LRRTM4: variants seen among roughly 807,000 people sequenced by gnomAD.
LRRTM4 encodes leucine-rich repeat transmembrane neuronal protein 4.
Under a neutral mutation model 47.6 loss-of-function variants are expected in LRRTM4, and 25 were observed. That is an observed-to-expected ratio of 0.53 (90% CI 0.38 to 0.73). The LOEUF (loss-of-function observed/expected upper bound fraction) is 0.73. Ranked by LOEUF, LRRTM4 falls within the 30% of genes least tolerant of loss-of-function variation. The pLI is 0.00. For synonymous variants in LRRTM4, 311 were observed against 269.5 expected (o/e 1.15, Z -1.51); for missense variants, 638 against 713.4 (o/e 0.89, Z 1.20).
At position 77,019,272 on chromosome 2, in the gene LRRTM4, A is replaced by T. The variant is rs1459296487; in HGVS notation, c.1552-270356T>A. Among the ~76,000 whole-genome samples the T allele has an allele frequency of 2.6e-5, 4 of 151,366 alleles. No homozygotes were observed. In the East Asian group the frequency reaches 7.7e-4, roughly 29 times the overall value. The stretch of plus-strand genomic sequence containing the variant: ...GCTCTACAAAAAAAAAAAAAAAAAA[A>T]AAAATATAAGAAGAAGACAGAGTGT... On this transcript the variant is annotated intron_variant, in intron 3 of 3. Transcript: ENST00000409884.
chr2:76,756,637 T>G (rs1184797181), intron 3 of LRRTM4, among the ~76,000 whole-genome samples: 1 of 152,182 alleles, frequency 6.6e-6, no homozygotes, highest in African/African-American at 2.4e-5. Context: ...CAGTTTTTTC[T>G]TTCCCCAATG....
At chr2:77,377,368 C>A (rs181357904) in intron 3 of LRRTM4, among the ~76,000 whole-genome samples, 2 of 151,750 alleles carry the variant, frequency 1.3e-5, no homozygotes, top group African/African-American at 2.4e-5. Context: ...CTTAAAAATG[C>A]CAATATTAGT....
At chr2:77,198,423 A>T (rs1313676743) in intron 3 of LRRTM4, among the ~76,000 whole-genome samples, 1 of 152,190 alleles carries the variant, frequency 6.6e-6, no homozygotes, top group Non-Finnish European at 1.5e-5. Flanking sequence ...ATTGGCTCAG[A>T]AATCATAAAT....
chr2:76,829,150 C>T (rs1341876586), intron 3 of LRRTM4, among the ~76,000 whole-genome samples: 2 of 151,898 alleles, frequency 1.3e-5, no homozygotes, highest in African/African-American at 4.8e-5. Context: ...AGTCTGCTTC[C>T]ACTTGAGGCT....
chr2:77,212,495 CGAGA>C (rs532562011), intron 3 of LRRTM4, among the ~76,000 whole-genome samples: 39 of 136,044 alleles, frequency 2.9e-4, no homozygotes, highest in African/African-American at 1.0e-3. Flanking sequence ...AGAGAGAGAG[CGAGA>C]GAGTTAATCT....
At chr2:77,432,799 C>T (rs1489707571) in intron 3 of LRRTM4, among the ~76,000 whole-genome samples, 4 of 152,172 alleles carry the variant, frequency 2.6e-5, no homozygotes, top group African/African-American at 9.6e-5. Context: ...TAAGAAGAGT[C>T]AGAGTCCTGT....
At chr2:77,088,645 T>C (rs987590211) in intron 3 of LRRTM4, among the ~76,000 whole-genome samples, 41 of 152,298 alleles carry the variant, frequency 2.7e-4, no homozygotes, top group Non-Finnish European at 3.8e-4. Context: ...CAAAGCCTGT[T>C]TGGTGGTCTC....
At chr2:76,966,793 C>A (rs779555798) in intron 3 of LRRTM4, among the ~76,000 whole-genome samples, 1 of 151,456 alleles carries the variant, frequency 6.6e-6, no homozygotes, top group Non-Finnish European at 1.5e-5. Flanking sequence ...GTGGTTGACA[C>A]TGCCAATTAA....
At chr2:76,966,268 GA>G in intron 3 of LRRTM4, among the ~76,000 whole-genome samples, 1 of 151,112 alleles carries the variant, frequency 6.6e-6, no homozygotes, top group Non-Finnish European at 1.5e-5. Context: ...AGTATCAGGT[GA>G]AATAGGAGAA....
intron 3 of LRRTM4, among the ~76,000 whole-genome samples, chr2:77,465,697 A>G (rs1558756219): frequency 6.6e-6 from 1 of 152,212 alleles, no homozygotes; most frequent in South Asian, 2.1e-4. Flanking sequence ...TAATTATGTA[A>G]GTAAGAAACA....
intron 3 of LRRTM4, among the ~76,000 whole-genome samples, chr2:77,287,479 T>G (rs559023033): frequency 6.8e-6 from 1 of 146,556 alleles, no homozygotes; most frequent in Non-Finnish European, 1.5e-5. Context: ...CTTTTACCCA[T>G]GTTTTTTTCC....
intron 3 of LRRTM4, among the ~76,000 whole-genome samples, chr2:77,086,267 C>G (rs1040999012): frequency 2.0e-5 from 3 of 152,122 alleles, no homozygotes; most frequent in African/African-American, 7.2e-5. Flanking sequence ...CAAGGAGGAT[C>G]ACAACTGGTT....
chr2:76,987,163 G>A (rs1392837901), intron 3 of LRRTM4, among the ~76,000 whole-genome samples: 1 of 151,594 alleles, frequency 6.6e-6, no homozygotes, highest in Non-Finnish European at 1.5e-5. Context: ...GTCTTTTACA[G>A]TATTATTAAT....
chr2:77,078,610 A>G (rs993295850), intron 3 of LRRTM4, among the ~76,000 whole-genome samples: 1 of 152,180 alleles, frequency 6.6e-6, no homozygotes, highest in Admixed American at 6.5e-5. Context: ...AACAATTGCC[A>G]TTATGTTGGG....
intron 3 of LRRTM4, among the ~76,000 whole-genome samples, chr2:76,956,297 C>A (rs1675673302): frequency 6.6e-6 from 1 of 150,888 alleles, no homozygotes; most frequent in Admixed American, 6.6e-5. Context: ...AGAATAAAAA[C>A]TGAAAAAATA....
intron 3 of LRRTM4, among the ~76,000 whole-genome samples, chr2:76,858,403 C>G (rs1415012941): frequency 1.3e-5 from 2 of 152,210 alleles, no homozygotes; most frequent in African/African-American, 4.8e-5. Context: ...TGCAGCCTGC[C>G]AGGCTTCCAA....
chr2:77,082,143 C>G (rs1036200205), intron 3 of LRRTM4, among the ~76,000 whole-genome samples: 2 of 152,066 alleles, frequency 1.3e-5, no homozygotes, highest in Non-Finnish European at 2.9e-5. Context: ...AAGACCTTTT[C>G]TTAACTACTT....
At chr2:77,039,578 C>T (rs2062146987) in intron 3 of LRRTM4, among the ~76,000 whole-genome samples, 1 of 151,224 alleles carries the variant, frequency 6.6e-6, no homozygotes, top group Non-Finnish European at 1.5e-5. Context: ...CCTCCCCAAT[C>T]TATCTTCCAT....
In LRRTM4 at chr2:77,519,923, C is replaced by T; in HGVS notation, c.5-59G>A. On this transcript the variant is annotated intron_variant, in intron 2 of 3. Coordinates refer to ENST00000409884, the MANE Select transcript of LRRTM4 (RefSeq NM_001134745.3). The surrounding 1 kb of genome is among the most constrained non-coding windows in gnomAD (Gnocchi z 4.6). ...TGAAGCTATTAAAATAAATCACCGTCGGTTTACCAACAACAGGGGCATTTC... is the reference window on the plus strand; with the variant it reads ...TGAAGCTATTAAAATAAATCACCGTTGGTTTACCAACAACAGGGGCATTTC... 2 of 1,477,500 alleles carry T rather than the reference C, an allele frequency of 1.4e-6. No homozygotes were observed. The highest frequency in any genetic ancestry group is 9.0e-7 in the Non-Finnish European group (1 of 1,113,742). The allele number at this position is 1,477,500 out of a possible 1,614,324, so 91.5% of individuals were successfully genotyped here. A position where few individuals can be genotyped will look rare whatever the true frequency, so the allele number is the denominator to read the frequency against.
Sources: allele counts gnomAD v4.1 joint callset (sites outside exome capture counted in the v4.1 genomes callset), GRCh38; gene constraint gnomAD v4.1.1; non-coding constraint Gnocchi (gnomAD v3.1); transcripts MANE v1.5; gene names NCBI Gene and HGNC (gene_info 2026-07-23, HGNC 2026-07-21).